Variants in DCC observed in about 807,000 individuals in gnomAD.
DCC encodes the protein netrin receptor DCC.
A neutral mutation model predicts 172.5 loss-of-function variants in DCC; 58 were observed. The ratio of observed to expected loss-of-function variants is 0.34; its 90% CI spans 0.27 to 0.42. The LOEUF is 0.42. Ranked by LOEUF, DCC falls within the 10% of genes least tolerant of loss-of-function variation. DCC has a pLI of 1.00. For missense variants in DCC, 1,740 were observed against 1,791.0 expected, an observed-to-expected ratio of 0.97 and a Z score of 0.51; for synonymous variants, 709 against 644.5, an observed-to-expected ratio of 1.10 and a Z score of -1.52.
chr18:52,411,272 G>A (rs142451604), intron 1 of DCC, among the ~76,000 whole-genome samples: 2 of 152,240 alleles, frequency 1.3e-5, no homozygotes, highest in East Asian at 3.9e-4. Flanking sequence ...CACTGTGAAA[G>A]AGCATGGCAT....
At chr18:53,285,997 A>G (rs757386762) in intron 12 of DCC, among the ~76,000 whole-genome samples, 2 of 152,206 alleles carry the variant, frequency 1.3e-5, no homozygotes, top group Non-Finnish European at 2.9e-5. Context: ...TAATGCCTGT[A>G]TCCCTCTTGT....
chr18:53,270,156 G>C lies in DCC; in HGVS notation c.1912-35422G>C, dbSNP rs558018782. ...GCAAGAGAGGTAGGAACAAAATTCT[G>C]AGTTTTTATTTTTCCATCCATATTT... On this transcript the variant is annotated intron_variant, in intron 12 of 28. Coordinates refer to ENST00000442544, the MANE Select transcript of DCC (RefSeq NM_005215.4). 5.3e-5 allele frequency among the ~76,000 whole-genome samples: 8 copies of C among 152,200 alleles called. No individual in the cohort carries two copies. The East Asian group carries it at 1.5e-3, about 29-fold the overall frequency.
intron 5 of DCC, among the ~76,000 whole-genome samples, chr18:52,929,744 A>G (rs902772721): frequency 9.2e-5 from 14 of 152,038 alleles, no homozygotes; most frequent in Non-Finnish European, 2.1e-4. Context: ...AATGAGATAA[A>G]TAAAAATGTT....
chr18:52,850,860 A>G (rs1383762672), intron 2 of DCC, among the ~76,000 whole-genome samples: 1 of 152,114 alleles, frequency 6.6e-6, no homozygotes, highest in Non-Finnish European at 1.5e-5. Flanking sequence ...GTAAATCTAG[A>G]GGGCTGTTTA....
chr18:52,514,538 T>C (rs2031558891), intron 1 of DCC, among the ~76,000 whole-genome samples: 1 of 152,218 alleles, frequency 6.6e-6, no homozygotes, highest in Admixed American at 6.5e-5. Context: ...AACCAGTGGG[T>C]TAGAGACTTG....
chr18:52,516,913 A>T (rs989097896), intron 1 of DCC, among the ~76,000 whole-genome samples: 1 of 152,136 alleles, frequency 6.6e-6, no homozygotes, highest in Non-Finnish European at 1.5e-5. Flanking sequence ...CCTGCCATTT[A>T]TTTGTAGGAA....
intron 7 of DCC, among the ~76,000 whole-genome samples, chr18:53,096,985 G>A (rs1007594654): frequency 6.6e-6 from 1 of 152,032 alleles, no homozygotes; most frequent in Admixed American, 6.6e-5. Flanking sequence ...AAGAAAGAAA[G>A]AAGAAAGGAA....
At chr18:53,357,129 AT>A (rs2057886846) in intron 15 of DCC, among the ~76,000 whole-genome samples, 1 of 152,046 alleles carries the variant, frequency 6.6e-6, no homozygotes, top group African/African-American at 2.4e-5. Flanking sequence ...TTAAACAATC[AT>A]TTTATGATTT....
chr18:53,318,546 T>G (rs914359300), intron 13 of DCC, among the ~76,000 whole-genome samples: 8 of 152,178 alleles, frequency 5.3e-5, no homozygotes, highest in Non-Finnish European at 1.2e-4. Flanking sequence ...TTCTTAATTT[T>G]CTGTCTCATT....
chr18:52,967,930 CTT>C (rs1173745550), intron 5 of DCC, among the ~76,000 whole-genome samples: 1 of 152,084 alleles, frequency 6.6e-6, no homozygotes, highest in Non-Finnish European at 1.5e-5. Flanking sequence ...TTTAATGCAT[CTT>C]AACTTGAGAT....
At chr18:52,891,210 C>G (rs142131622) in intron 2 of DCC, among the ~76,000 whole-genome samples, 1 of 152,040 alleles carries the variant, frequency 6.6e-6, no homozygotes, top group African/African-American at 2.4e-5. Context: ...TGTTTTTAAG[C>G]TCCTCTATTA....
chr18:52,892,136 T>G (rs1241736396), intron 2 of DCC, among the ~76,000 whole-genome samples: 1 of 152,098 alleles, frequency 6.6e-6, no homozygotes, highest in Non-Finnish European at 1.5e-5. Flanking sequence ...GAACCACGCA[T>G]CTTTTAAATA....
chr18:53,477,454 G>A (rs1237928776), intron 25 of DCC, among the ~76,000 whole-genome samples: 1 of 152,100 alleles, frequency 6.6e-6, no homozygotes, highest in Non-Finnish European at 1.5e-5. Context: ...ATTTATAATG[G>A]CCCCATTTGC....
At chr18:52,550,197 G>A (rs560192061) in intron 1 of DCC, among the ~76,000 whole-genome samples, 1 of 151,786 alleles carries the variant, frequency 6.6e-6, no homozygotes, top group Non-Finnish European at 1.5e-5. Context: ...AAACCCAAAT[G>A]AGAAACATTC....
rs1475748442 is a variant in DCC at position 52,594,575 on chromosome 18, T to G, written c.92-157479T>G. On this transcript the variant is annotated intron_variant, in intron 1 of 28. Coordinates refer to ENST00000442544, the MANE Select transcript of DCC (RefSeq NM_005215.4). ...TATTACATGTGTTTGGTCATTCTTGTGTTGCTATAATAAATACCAGAGACT... is the reference window on the plus strand; with the variant it reads ...TATTACATGTGTTTGGTCATTCTTGGGTTGCTATAATAAATACCAGAGACT... Among the ~76,000 whole-genome samples the G allele has an allele frequency of 2.6e-5, 4 of 152,332 alleles. No homozygotes were observed. In the East Asian group the frequency reaches 7.7e-4, roughly 29 times the overall value.
intron 7 of DCC, among the ~76,000 whole-genome samples, chr18:53,072,082 T>A (rs2042659868): frequency 6.6e-6 from 1 of 152,030 alleles, no homozygotes; most frequent in Non-Finnish European, 1.5e-5. Flanking sequence ...TGAGCCAAGA[T>A]CAAGCTACTG....
At chr18:53,512,108 G>C (rs1310484829) in intron 27 of DCC, among the ~76,000 whole-genome samples, 2 of 152,102 alleles carry the variant, frequency 1.3e-5, no homozygotes, top group Non-Finnish European at 2.9e-5. Context: ...CACGCAGCTG[G>C]AGATCTGAGA....
chr18:53,518,999 A>G (rs914807583), intron 27 of DCC, among the ~76,000 whole-genome samples: 3 of 152,162 alleles, frequency 2.0e-5, no homozygotes, highest in African/African-American at 7.2e-5. Context: ...GCACTAGTTT[A>G]AAAATAAATT....
At chr18:53,122,422 C>T (rs532286769) in intron 7 of DCC, among the ~76,000 whole-genome samples, 53 of 152,066 alleles carry the variant, frequency 3.5e-4, no homozygotes, top group African/African-American at 1.3e-3. Flanking sequence ...GCATAGATAG[C>T]CCCATAATCA....
Sources: allele counts gnomAD v4.1 joint callset (sites outside exome capture counted in the v4.1 genomes callset), GRCh38; gene constraint gnomAD v4.1.1; transcripts MANE v1.5; gene names NCBI Gene and HGNC (gene_info 2026-07-23, HGNC 2026-07-21).